The following BEND7 variants were observed in gnomAD, a reference collection of about 807,000 sequenced individuals.
The protein encoded by BEND7 is BEN domain-containing protein 7.
In BEND7, 28 loss-of-function variants were observed where a neutral mutation model predicts 50.9. The observed-to-expected ratio is 0.55, with a 90% CI of 0.41 to 0.75. The LOEUF is 0.75. Ranked by LOEUF, BEND7 falls within the 30% of genes least tolerant of loss-of-function variation. The pLI is 0.00. For synonymous variants in BEND7, 170 were observed against 183.9 expected, an observed-to-expected ratio of 0.92 and a Z score of 0.61; for missense variants, 477 against 491.3, an observed-to-expected ratio of 0.97 and a Z score of 0.28.
chr10:13,525,333 C>T (rs1410272188), intron 2 of BEND7, among the ~76,000 whole-genome samples: 1 of 152,220 alleles, frequency 6.6e-6, no homozygotes, highest in African/African-American at 2.4e-5. Flanking sequence ...ACAGTATTTG[C>T]ACCAACACTG....
intron 6 of BEND7, among the ~76,000 whole-genome samples, chr10:13,455,258 AGG>A (rs1838684734): frequency 6.6e-6 from 1 of 152,042 alleles, no homozygotes; most frequent in Admixed American, 6.6e-5. Flanking sequence ...GAAAGGGCAC[AGG>A]CTGGGTTGGG....
At chr10:13,502,899 T>C (rs2077584756) in intron 2 of BEND7, 1 of 985,594 alleles carries the variant, frequency 1.0e-6, no homozygotes, top group Non-Finnish European at 1.2e-6. Context: ...TTCTCTACAC[T>C]AACTGACACA....
chr10:13,497,634 C>T (rs560588457), intron 3 of BEND7, among the ~76,000 whole-genome samples: 2 of 152,296 alleles, frequency 1.3e-5, no homozygotes, highest in African/African-American at 4.8e-5. Flanking sequence ...GTAAACCTAT[C>T]TTATTCTGTT....
chr10:13,509,392 T>C, intron 2 of BEND7, among the ~76,000 whole-genome samples: 1 of 152,086 alleles, frequency 6.6e-6, no homozygotes, highest in South Asian at 2.1e-4. Context: ...GTTTGCCAGC[T>C]GAAAAGCAAG....
intron 6 of BEND7, chr10:13,480,529 T>G: frequency 1.6e-6 from 1 of 630,310 alleles, no homozygotes; most frequent in Non-Finnish European, 2.0e-6. Flanking sequence ...TTTTTTTTTT[T>G]AAGAAGCATC....
chr10:13,462,111 G>A (rs1358229190), intron 6 of BEND7, among the ~76,000 whole-genome samples: 3 of 152,076 alleles, frequency 2.0e-5, no homozygotes, highest in Non-Finnish European at 4.4e-5. Context: ...CAATGCACCA[G>A]GAAAATAACA....
chr10:13,500,106 C>CACT, intron 2 of BEND7, 26 bp from the exon 3 acceptor site: 2 of 1,523,666 alleles, frequency 1.3e-6, no homozygotes, highest in Non-Finnish European at 1.8e-6. Flanking sequence ...CCAAAGTTAG[C>CACT]ACTCTAAATT....
At chr10:13,445,335 T>A (rs574266264) in intron 8 of BEND7, 1 of 152,280 alleles carries the variant, frequency 6.6e-6, no homozygotes, top group East Asian at 1.9e-4. Flanking sequence ...ACATTTTAAT[T>A]GTGAAGACTG....
At chr10:13,442,020 G>A (rs965687334) in intron 8 of BEND7, 3 of 482,284 alleles carry the variant, frequency 6.2e-6, no homozygotes, top group Admixed American at 7.3e-5. Context: ...GTGGAACAGG[G>A]ATTTATCCCA....
chr10:13,515,678 C>T (rs775747065), intron 2 of BEND7, among the ~76,000 whole-genome samples: 13 of 152,310 alleles, frequency 8.5e-5, no homozygotes, highest in Middle Eastern at 3.4e-3. Flanking sequence ...TATGGTCACG[C>T]GGCCAAAATG....
At chr10:13,510,824 C>T (rs1418987901) in intron 2 of BEND7, among the ~76,000 whole-genome samples, 1 of 152,078 alleles carries the variant, frequency 6.6e-6, no homozygotes, top group Non-Finnish European at 1.5e-5. Flanking sequence ...ATTTCACACA[C>T]ACCTCTATTG....
intron 7 of BEND7, 126 bp downstream of exon 7, chr10:13,452,413 A>G: frequency 1.9e-6 from 2 of 1,039,102 alleles, no homozygotes; most frequent in East Asian, 5.0e-5. Context: ...GCAAATCAGC[A>G]TATTATAAAC....
intron 6 of BEND7, among the ~76,000 whole-genome samples, chr10:13,470,336 G>T (rs1180338905): frequency 2.6e-5 from 4 of 152,218 alleles, no homozygotes; most frequent in Non-Finnish European, 5.9e-5. Flanking sequence ...CGGCAACAGT[G>T]CCCACAATGG....
chr10:13,498,291 G>C (rs2077182320), intron 3 of BEND7, among the ~76,000 whole-genome samples: 1 of 151,928 alleles, frequency 6.6e-6, no homozygotes, highest in Non-Finnish European at 1.5e-5. Context: ...TGGCCAGGCT[G>C]GTCTCGAACT....
chr10:13,516,900 T>C (rs894180099), intron 2 of BEND7, among the ~76,000 whole-genome samples: 3 of 152,146 alleles, frequency 2.0e-5, no homozygotes, highest in Admixed American at 6.5e-5. Flanking sequence ...GACCATTATA[T>C]GTAAGTGTTT....
At chr10:13,446,153 T>C (rs1362527269) in intron 8 of BEND7, 1 of 152,248 alleles carries the variant, frequency 6.6e-6, no homozygotes, top group East Asian at 1.9e-4. Context: ...CAGGTCTTTT[T>C]GCACTATGTA....
At chr10:13,502,670 C>T (rs1313418666) in intron 2 of BEND7, among the ~76,000 whole-genome samples, 1 of 152,158 alleles carries the variant, frequency 6.6e-6, no homozygotes, top group Admixed American at 6.5e-5. Flanking sequence ...GTTAACACCA[C>T]AATTCAAGCA....
In BEND7 at chr10:13,494,410, T is replaced by C. The variant is rs557363961; in HGVS notation, c.572-1534A>G. On this transcript the variant is annotated intron_variant, in intron 4 of 8. Coordinates refer to ENST00000466271, the MANE Select transcript of BEND7 (RefSeq NM_001369863.1). ...CCAGCCTGGCGACAGAGTGAGACTA[T>C]GTCTCAAAACAAAAACAAAAACAAA... is the stretch of plus-strand genomic sequence containing the variant. Among the ~76,000 whole-genome samples the C allele has an allele frequency of 2.0e-5, 3 of 152,294 alleles. No homozygotes were observed. The South Asian group carries it at 6.2e-4, about 32-fold the overall frequency.
intron 2 of BEND7, among the ~76,000 whole-genome samples, chr10:13,518,444 T>C (rs1192811093): frequency 1.3e-5 from 2 of 152,240 alleles, no homozygotes; most frequent in African/African-American, 4.8e-5. Context: ...TTTATGTCCT[T>C]AAATTAAGGT....
Sources: gnomAD v4.1 joint callset for allele counts (sites outside exome capture counted in the v4.1 genomes callset) on GRCh38, gnomAD v4.1.1 for gene constraint, MANE v1.5 for transcripts, NCBI Gene and HGNC (gene_info 2026-07-23, HGNC 2026-07-21) for gene names.